MYO9B: variants seen among roughly 807,000 people sequenced by gnomAD.
MYO9B encodes the protein unconventional myosin-IXb.
Under a neutral mutation model 229.5 loss-of-function variants are expected in MYO9B, and 71 were observed. That is an observed-to-expected ratio of 0.31 (90% CI 0.26 to 0.38). MYO9B has a LOEUF of 0.38. Among genes scored for constraint, MYO9B ranks in the 10% least tolerant of loss-of-function variants. MYO9B has a pLI of 1.00. For missense variants in MYO9B, 2,255 were observed against 2,920.5 expected, an observed-to-expected ratio of 0.77 and a Z score of 5.25; for synonymous variants, 1,185 against 1,235.8, an observed-to-expected ratio of 0.96 and a Z score of 0.86.
intron 1 of MYO9B, among the ~76,000 whole-genome samples, chr19:17,085,342 T>C (rs1426746427): frequency 1.3e-5 from 2 of 151,964 alleles, no homozygotes; most frequent in Non-Finnish European, 2.9e-5. Flanking sequence ...ATGGGCAGCA[T>C]TGGGAGATCC....
chr19:17,114,890 A>G lies in MYO9B; in HGVS notation c.840+12333A>G, dbSNP rs1262642620. 4.8e-5 allele frequency among the ~76,000 whole-genome samples: 7 copies of G among 147,354 alleles called. No homozygotes were observed. The East Asian group carries it at 1.4e-3, about 30-fold the overall frequency. The stretch of plus-strand genomic sequence containing the variant: ...CTTTGGCAGAACCATGACACGTTTC[A>G]TTATCTCTTTTGGTTCCCCCAGTTG... On this transcript the variant is annotated intron_variant, in intron 2 of 39. Coordinates refer to ENST00000682292, the MANE Select transcript of MYO9B (RefSeq NM_004145.4).
At position 17,193,085 on chromosome 19, in the gene MYO9B, C is replaced by T. The variant is rs1430524504; in HGVS notation, c.3128+23C>T. The T allele has an allele frequency of 2.8e-6, 4 of 1,427,692 alleles. No individual in the cohort carries two copies. Among genetic ancestry groups the T allele is most frequent in the Non-Finnish European group, 3.7e-6 (4 of 1,091,928 alleles). The allele number at this position is 1,427,692 out of a possible 1,614,324, so 88.4% of individuals were successfully genotyped here. On this transcript the variant is annotated intron_variant, in intron 21 of 39. Transcript: ENST00000682292. The surrounding 1 kb of genome is among the most constrained non-coding windows in gnomAD (Gnocchi z 4.3). ...GAGGTGAGCAGAGCCGGGCCACGCT[C>T]CTCGGAATATTCCAGAAGCCAAAAA... is the stretch of plus-strand genomic sequence containing the variant.
At chr19:17,090,560 G>A (rs752842545) in intron 1 of MYO9B, among the ~76,000 whole-genome samples, 4 of 152,078 alleles carry the variant, frequency 2.6e-5, no homozygotes, top group Non-Finnish European at 5.9e-5. Flanking sequence ...GCATTTCTTC[G>A]AGGATCTTTA....
chr19:17,166,895 A>C (rs904162238), intron 10 of MYO9B, among the ~76,000 whole-genome samples: 3 of 152,062 alleles, frequency 2.0e-5, no homozygotes, highest in African/African-American at 7.3e-5. Context: ...TGCTTTATCC[A>C]TTAGTGGGCA....
chr19:17,204,984 G>A (rs551339396), intron 30 of MYO9B, among the ~76,000 whole-genome samples: 34 of 151,744 alleles, frequency 2.2e-4, no homozygotes, highest in African/African-American at 8.0e-4. Flanking sequence ...AAACCCTGTC[G>A]CTACTAAAAA....
chr19:17,125,849 C>A (rs1424944940), intron 2 of MYO9B, among the ~76,000 whole-genome samples: 1 of 152,196 alleles, frequency 6.6e-6, no homozygotes, highest in Non-Finnish European at 1.5e-5. Context: ...GCTAGGGGCC[C>A]TGGAGAGCCT....
chr19:17,185,165 G>A (rs2072904070), intron 17 of MYO9B, among the ~76,000 whole-genome samples, 178 bp downstream of exon 17: 1 of 152,074 alleles, frequency 6.6e-6, no homozygotes, highest in African/African-American at 2.4e-5. Flanking sequence ...CACGAGGTCA[G>A]GAGATTGAGA....
chr19:17,085,919 T>C (rs2057578388), intron 1 of MYO9B, among the ~76,000 whole-genome samples: 1 of 152,098 alleles, frequency 6.6e-6, no homozygotes, highest in Non-Finnish European at 1.5e-5. Context: ...GCCCTCCCTA[T>C]CTTCGTTACA....
At chr19:17,163,370 C>G (rs1568280606) in intron 10 of MYO9B, among the ~76,000 whole-genome samples, 1 of 120,630 alleles carries the variant, frequency 8.3e-6, no homozygotes, top group Non-Finnish European at 1.6e-5. Flanking sequence ...CACCCCATTC[C>G]ACTTTTTTTT....
intron 7 of MYO9B, among the ~76,000 whole-genome samples, chr19:17,158,960 C>T (rs894147303): frequency 1.3e-5 from 2 of 152,150 alleles, no homozygotes; most frequent in African/African-American, 4.8e-5. Context: ...TTGGGAGGCC[C>T]AGGCAGGCAG....
chr19:17,154,850 TA>T (rs1417096052), intron 6 of MYO9B, among the ~76,000 whole-genome samples: 2 of 152,026 alleles, frequency 1.3e-5, no homozygotes, highest in East Asian at 3.9e-4. Context: ...TGGTCCCAGC[TA>T]CTTGTGGGGC....
At chr19:17,094,509 A>G (rs939164513) in intron 1 of MYO9B, among the ~76,000 whole-genome samples, 2 of 152,052 alleles carry the variant, frequency 1.3e-5, no homozygotes, top group African/African-American at 4.8e-5. Flanking sequence ...CCACATCCCC[A>G]AGCAGCCACC....
At chr19:17,163,472 G>A (rs2072627277) in intron 10 of MYO9B, among the ~76,000 whole-genome samples, 1 of 146,660 alleles carries the variant, frequency 6.8e-6, no homozygotes, top group Non-Finnish European at 1.5e-5. Context: ...CTAGGCTCAA[G>A]TGATCCTTCC....
Position 17,209,568 on chromosome 19 carries a change from C to T in MYO9B, c.5625-18C>T. The T allele has an allele frequency of 6.4e-7, 1 of 1,573,866 alleles. No individual in the cohort carries two copies. On this transcript the variant is annotated intron_variant, in intron 35 of 39. Coordinates refer to ENST00000682292, the MANE Select transcript of MYO9B (RefSeq NM_004145.4). ...GGGCGGTAACTGAGTCACTTCCTCC[C>T]GTGGGCCTTCTCTGTAGGTGCGTGG...
intron 2 of MYO9B, among the ~76,000 whole-genome samples, chr19:17,129,285 G>T (rs1056426061): frequency 4.6e-5 from 7 of 152,118 alleles, no homozygotes; most frequent in African/African-American, 1.7e-4. Context: ...TCCTGTAGTT[G>T]CAGCTACTCT....
chr19:17,159,505 C>T (rs1208954782), intron 8 of MYO9B, 21 bp downstream of exon 8: 4 of 1,591,400 alleles, frequency 2.5e-6, no homozygotes, highest in South Asian at 2.3e-5. Flanking sequence ...CCCAGGCACT[C>T]ACAGGGTGCC....
At chr19:17,145,359 C>T (rs2072396600) in intron 2 of MYO9B, 38 bp from the exon 3 acceptor site, 2 of 1,546,550 alleles carry the variant, frequency 1.3e-6, no homozygotes, top group African/African-American at 1.4e-5. Flanking sequence ...AGAAATTCCA[C>T]CCTCCTGATC....
intron 14 of MYO9B, chr19:17,177,726 C>T (rs1455628144): frequency 6.6e-6 from 1 of 152,540 alleles, no homozygotes; most frequent in Non-Finnish European, 1.5e-5. Context: ...TCCATCTCCC[C>T]AGGGCCTGGC....
At chr19:17,150,738 C>T (rs562430812) in intron 3 of MYO9B, among the ~76,000 whole-genome samples, 3 of 141,720 alleles carry the variant, frequency 2.1e-5, no homozygotes, top group South Asian at 4.5e-4. Context: ...CAGGAGCCAC[C>T]GTGCCTGCCC....
Sources: allele counts gnomAD v4.1 joint callset (sites outside exome capture counted in the v4.1 genomes callset), GRCh38; gene constraint gnomAD v4.1.1; non-coding constraint Gnocchi (gnomAD v3.1); transcripts MANE v1.5; gene names NCBI Gene and HGNC (gene_info 2026-07-23, HGNC 2026-07-21).